MED1: variants seen among roughly 807,000 people sequenced by gnomAD.
The protein encoded by MED1 is mediator complex subunit 1, also known as mediator of RNA polymerase II transcription subunit 1.
MED1 carries 17 observed loss-of-function variants against 121.3 expected under a neutral mutation model. That is an observed-to-expected ratio of 0.14 (90% CI 0.10 to 0.21). The LOEUF is 0.21. Ranked by LOEUF, MED1 falls within the 10% of genes least tolerant of loss-of-function variation. The probability of loss-of-function intolerance (pLI) is 1.00; values close to 1 mark genes in which losing one functional copy is unlikely to be tolerated. For missense variants in MED1, 1,558 were observed against 1,919.4 expected (o/e 0.81, Z 3.52); for synonymous variants, 661 against 694.4 (o/e 0.95, Z 0.76).
At chr17:39,425,556 C>A (rs1340331148) in intron 10 of MED1, among the ~76,000 whole-genome samples, 4 of 152,116 alleles carry the variant, frequency 2.6e-5, no homozygotes, top group Non-Finnish European at 5.9e-5. Context: ...GTAATCCCAG[C>A]ACTTTGGGAG....
At chr17:39,431,257 G>C in intron 8 of MED1, 69 bp from the exon 9 acceptor site, 1 of 1,239,982 alleles carries the variant, frequency 8.1e-7, no homozygotes, top group Non-Finnish European at 1.2e-6. Flanking sequence ...CTGTGATATT[G>C]AGTTCACCTC....
Position 39,410,045 on chromosome 17 carries a change from C to T in MED1, c.2176G>A (p.Val726Ile), listed in dbSNP as rs1049319462. Residue 726 changes from valine to isoleucine, a missense_variant, in exon 17 of 17, where the codon GTC becomes ATC. By Grantham distance (29) the Val-to-Ile change is conservative. Transcript: ENST00000300651. Reference protein sequence around the residue: ...DVDSQNPIFDVNMTADTLDTP... With the variant: ...DVDSQNPIFDINMTADTLDTP... ...TCCAGCGTGTCAGCTGTCATGTTGA[C>T]ATCAAAGATAGGGTTCTGTGAGTCA... 3.1e-6 allele frequency: 5 copies of T among 1,614,002 alleles called. No individual in the cohort carries two copies. Among genetic ancestry groups the T allele is most frequent in the African/African-American group, 1.3e-5 (1 of 74,898 alleles).
chr17:39,444,732 G>C (rs988275208), intron 2 of MED1, among the ~76,000 whole-genome samples: 1 of 151,778 alleles, frequency 6.6e-6, no homozygotes, highest in African/African-American at 2.4e-5. Flanking sequence ...AGCCAGGTGT[G>C]GTGGTACGCG....
intron 10 of MED1, among the ~76,000 whole-genome samples, chr17:39,426,761 T>C (rs1170346845): frequency 6.6e-6 from 1 of 152,114 alleles, no homozygotes; most frequent in Non-Finnish European, 1.5e-5. Context: ...CTCGAACTCC[T>C]GACCTCAGGT....
Position 39,407,848 on chromosome 17 carries a change from G to A in MED1, c.4373C>T (p.Pro1458Leu), listed in dbSNP as rs150659548. 13 of 1,614,018 alleles carry A rather than the reference G, an allele frequency of 8.1e-6. No individual in the cohort carries two copies. The highest frequency in any genetic ancestry group is 2.2e-5 in the East Asian group (1 of 44,904). The change falls in exon 17 of 17, where the codon CCC (proline) becomes CTC (leucine). Residue 1458 changes from proline (P) to leucine (L), a missense_variant. Around this residue, in one of 5 missense-constraint regions of MED1, gnomAD observed 264 missense variants for 326.1 expected, o/e 0.81. Transcript: ENST00000300651. ...PSHSKSPAYT[P>L]QNLDSESESG... ...CTCACTTTCACTGTCCAGATTCTGG[G>A]GGGTATATGCTGGTGACTTACTATG... is the stretch of plus-strand genomic sequence containing the variant.
chr17:39,411,317 CA>C (rs35370252), intron 16 of MED1, among the ~76,000 whole-genome samples: 69 of 137,174 alleles, frequency 5.0e-4, no homozygotes, highest in Middle Eastern at 4.8e-3. Context: ...GACTCCGTCT[CA>C]AAAAAAAAAA....
In MED1 at chr17:39,409,165, C is replaced by T; in HGVS notation, c.3056G>A (p.Gly1019Glu). 2 of 1,614,152 alleles carry T rather than the reference C, an allele frequency of 1.2e-6. No individual in the cohort carries two copies. The highest frequency in any genetic ancestry group is 1.7e-6 in the Non-Finnish European group (2 of 1,180,036). Residue 1019 changes from glycine to glutamate, a missense_variant, in exon 17 of 17, where the codon GGA becomes GAA. Around this residue, in one of 5 missense-constraint regions of MED1, gnomAD observed 793 missense variants for 898.2 expected, o/e 0.88. Transcript: ENST00000300651. ...PPKRKKADTE[G>E]KSPSHSSSNR... is the part of the protein sequence containing the mutation. ...AGAAGAACTATGAGATGGAGACTTT[C>T]CCTCAGTGTCTGCCTTCTTCCGCTT... is the stretch of plus-strand genomic sequence containing the variant.
At chr17:39,415,221 T>G in intron 15 of MED1, 23 bp downstream of exon 15, 2 of 1,605,408 alleles carry the variant, frequency 1.2e-6, no homozygotes, top group Non-Finnish European at 1.7e-6. Flanking sequence ...CCATGAGAGG[T>G]GTTAGCCACC....
In MED1 at chr17:39,409,349, G is replaced by A. The variant is rs771337587; in HGVS notation, c.2872C>T (p.Leu958=). 1.2e-6 allele frequency: 2 copies of A among 1,614,068 alleles called. No homozygotes were observed. Among genetic ancestry groups the A allele is most frequent in the Non-Finnish European group, 1.7e-6 (2 of 1,180,008 alleles). ...EHHSGSQGPL[L]TTGDLGKEKT... ...TCTTTCCCTAAGTCCCCAGTGGTCAGTAAAGGACCCTGACTACCACTGTGA... is the reference window on the plus strand; with the variant it reads ...TCTTTCCCTAAGTCCCCAGTGGTCAATAAAGGACCCTGACTACCACTGTGA... The change falls in exon 17 of 17, where the codon CTG becomes TTG. Residue 958 remains leucine (L), a synonymous_variant. Transcript: ENST00000300651.
intron 6 of MED1, among the ~76,000 whole-genome samples, chr17:39,438,525 C>CT (rs1009226497): frequency 9.2e-5 from 14 of 151,562 alleles, no homozygotes; most frequent in African/African-American, 3.4e-4. Flanking sequence ...TGTATTTTTT[C>CT]TTTTTTTAGT....
At chr17:39,420,531 T>C (rs2048452581) in intron 13 of MED1, among the ~76,000 whole-genome samples, 1 of 152,014 alleles carries the variant, frequency 6.6e-6, no homozygotes, top group African/African-American at 2.4e-5. Flanking sequence ...AAAACACCTA[T>C]ATAATAATAA....
chr17:39,409,819 G>A lies in MED1; in HGVS notation c.2402C>T (p.Pro801Leu). 5 of 1,614,158 alleles carry A rather than the reference G, an allele frequency of 3.1e-6. No homozygotes were observed. The highest frequency in any genetic ancestry group is 4.2e-6 in the Non-Finnish European group (5 of 1,180,022). ...ATCTCGAAGAGGGGTGCCAATGGCT[G>A]GGCAATCATCACTAGTGCTGGGAAG... The part of the protein sequence containing the change: ...SKLPSTSDDC[P>L]AIGTPLRDSS... Residue 801 changes from proline to leucine, a missense_variant, in exon 17 of 17, where the codon CCA (proline) becomes CTA (leucine). Physicochemically the swap from Pro to Leu is moderately conservative, Grantham distance 98. This residue lies in a region of MED1 where 793 missense variants were observed against 898.2 expected (regional missense o/e 0.88). Coordinates refer to ENST00000300651, the MANE Select transcript of MED1 (RefSeq NM_004774.4).
intron 15 of MED1, 36 bp downstream of exon 15, chr17:39,415,208 G>A (rs1597855303): frequency 5.6e-6 from 9 of 1,605,066 alleles, no homozygotes; most frequent in Middle Eastern, 1.7e-4. Context: ...GGACCAAACC[G>A]CTCCATGAGA....
intron 13 of MED1, among the ~76,000 whole-genome samples, chr17:39,421,721 G>A (rs907292197): frequency 3.9e-5 from 6 of 152,146 alleles, no homozygotes; most frequent in African/African-American, 1.4e-4. Flanking sequence ...TTTCCTCTCT[G>A]TAAGTACTTT....
Position 39,410,488 on chromosome 17 carries a change from A to T in MED1, c.1733T>A (p.Met578Lys). ...ATGCCGATCTTTGATGCTCATGCTC[A>T]TATTAAACAAGGTGGTAATGGGACC... Reference protein sequence around the residue: ...PGGPITTLFNMSMSIKDRHES... With the variant: ...PGGPITTLFNKSMSIKDRHES... The change falls in exon 17 of 17, where the codon ATG (methionine) becomes AAG (lysine). Residue 578 changes from methionine to lysine, a missense_variant. Transcript: ENST00000300651. 2 of 1,613,996 alleles carry T rather than the reference A, an allele frequency of 1.2e-6. No homozygotes were observed. The highest frequency in any genetic ancestry group is 2.2e-5 in the South Asian group (2 of 91,038).
At chr17:39,426,822 C>T (rs2048519312) in intron 10 of MED1, among the ~76,000 whole-genome samples, 1 of 152,088 alleles carries the variant, frequency 6.6e-6, no homozygotes, top group South Asian at 2.1e-4. Context: ...GCATGAGCCA[C>T]CGCGCCCGGC....
rs552569064 is a variant in MED1 at position 39,443,527 on chromosome 17, A to G, written c.211+23T>C. 158 of 1,591,544 alleles carry G rather than the reference A, an allele frequency of 9.9e-5. No homozygotes were observed. In the East Asian group the frequency reaches 1.8e-3, roughly 18 times the overall value. ...GAACTGGGGGTTTTGTGAAATCAGC[A>G]TATTTCAAAAGTGTTCACAAACCTT... is the stretch of plus-strand genomic sequence containing the variant. On this transcript the variant is annotated intron_variant, in intron 3 of 16. Transcript: ENST00000300651.
Position 39,447,902 on chromosome 17 carries a change from A to G in MED1, c.28T>C (p.Ser10Pro), listed in dbSNP as rs765887522. The G allele has an allele frequency of 1.2e-6, 2 of 1,605,460 alleles. No individual in the cohort carries two copies. The highest frequency in any genetic ancestry group is 3.4e-5 in the Admixed American group (2 of 59,634). Residue 10 changes from serine to proline, a missense_variant and splice_region_variant, in exon 2 of 17, where the codon TCA becomes CCA. Physicochemically the swap from Ser to Pro is moderately conservative, Grantham distance 74. Around this residue, in one of 5 missense-constraint regions of MED1, gnomAD observed 443 missense variants for 532.4 expected, o/e 0.83. Coordinates refer to ENST00000300651, the MANE Select transcript of MED1 (RefSeq NM_004774.4). ...GAACTCATCTTACTCAGCTTTTCTG[A>G]CTCTATGATTTAAATCAGAAAACGT... MKAQGETEE[S>P]EKLSKMSSLL... is the part of the protein sequence containing the mutation.
chr17:39,418,539 A>C (rs2048432256), intron 14 of MED1, among the ~76,000 whole-genome samples: 2 of 152,132 alleles, frequency 1.3e-5, no homozygotes, highest in Non-Finnish European at 2.9e-5. Flanking sequence ...TCTCAAAAAA[A>C]AAAAAGCCTC....
Sources: gnomAD v4.1 joint callset for allele counts (sites outside exome capture counted in the v4.1 genomes callset) on GRCh38, gnomAD v4.1.1 for gene constraint, gnomAD v4.1.1 regional missense constraint, MANE v1.5 for transcripts, NCBI Gene and HGNC (gene_info 2026-07-23, HGNC 2026-07-21) for gene names.